Variants in AGTPBP1 observed in about 807,000 individuals in gnomAD.
AGTPBP1 encodes the protein cytosolic carboxypeptidase 1.
Under a neutral mutation model 143.9 loss-of-function variants are expected in AGTPBP1, and 70 were observed. The ratio of observed to expected loss-of-function variants is 0.49; its 90% CI spans 0.40 to 0.59. The LOEUF (loss-of-function observed/expected upper bound fraction) is 0.59. Ranked by LOEUF, AGTPBP1 falls within the 20% of genes least tolerant of loss-of-function variation. AGTPBP1 has a pLI of 0.00. For missense variants in AGTPBP1, 1,229 were observed against 1,464.5 expected, an observed-to-expected ratio of 0.84 and a Z score of 2.62; for synonymous variants, 463 against 500.2, an observed-to-expected ratio of 0.93 and a Z score of 0.99.
Position 85,678,400 on chromosome 9 carries a change from T to G in AGTPBP1, c.226-2A>C. On this transcript the variant is annotated splice_acceptor_variant, in intron 4 of 25. Transcript: ENST00000357081. LOFTEE classifies it high-confidence loss of function. ...TGTAGTTTGAAGATCTTTTGTGTTC[T>G]GAAATAAATAGTTTGTTTTATTAAA... 1 of 1,564,182 alleles carries G rather than the reference T, an allele frequency of 6.4e-7. No individual in the cohort carries two copies. Among genetic ancestry groups the G allele is most frequent in the Non-Finnish European group, 8.7e-7 (1 of 1,145,948 alleles).
At chr9:85,692,566 A>G in intron 3 of AGTPBP1, 123 bp downstream of exon 3, 1 of 1,240,462 alleles carries the variant, frequency 8.1e-7, no homozygotes, top group South Asian at 1.5e-5. Context: ...GAGCCACCAC[A>G]CCCGGCCTGA....
chr9:85,657,696 G>C, intron 9 of AGTPBP1, 53 bp from the exon 10 acceptor site: 1 of 1,327,782 alleles, frequency 7.5e-7, no homozygotes, highest in South Asian at 1.4e-5. Context: ...GAGAGTGAGT[G>C]GTAGAATAAT....
At chr9:85,638,997 G>A (rs1436219630) in intron 13 of AGTPBP1, among the ~76,000 whole-genome samples, 4 of 151,924 alleles carry the variant, frequency 2.6e-5, no homozygotes, top group African/African-American at 4.8e-5. Context: ...TGTGACTAAC[G>A]AATATAGAAT....
At chr9:85,556,611 T>G (rs1587617498) in intron 25 of AGTPBP1, among the ~76,000 whole-genome samples, 1 of 152,092 alleles carries the variant, frequency 6.6e-6, no homozygotes, top group African/African-American at 2.4e-5. Context: ...AAGAGAAAAC[T>G]GGGACTAGAA....
the AGTPBP1 span, among the ~76,000 whole-genome samples, chr9:85,762,150 G>C: frequency 5.9e-5 from 9 of 152,060 alleles, no homozygotes; most frequent in Non-Finnish European, 2.9e-5. Flanking sequence ...TGGAGAAATA[G>C]GAACACTTTT....
the AGTPBP1 span, among the ~76,000 whole-genome samples, chr9:85,787,682 T>C: frequency 3.9e-5 from 6 of 152,340 alleles, no homozygotes; most frequent in Middle Eastern, 3.4e-3. Flanking sequence ...GAAACATCCA[T>C]TGTAATGACC....
At chr9:85,717,366 G>A (rs532786097) in intron 1 of AGTPBP1, among the ~76,000 whole-genome samples, 49 of 152,240 alleles carry the variant, frequency 3.2e-4, no homozygotes, top group Middle Eastern at 3.4e-3. Context: ...ACTAGGTATG[G>A]TGGCATACAC....
intron 1 of AGTPBP1, among the ~76,000 whole-genome samples, chr9:85,715,799 T>C (rs925903759): frequency 6.6e-6 from 1 of 152,210 alleles, no homozygotes; most frequent in East Asian, 1.9e-4. Flanking sequence ...GCAGAAGTGT[T>C]GCATTTCACC....
intron 7 of AGTPBP1, among the ~76,000 whole-genome samples, chr9:85,671,409 C>T (rs1181707100): frequency 1.3e-5 from 2 of 151,478 alleles, no homozygotes; most frequent in African/African-American, 4.9e-5. Context: ...CATTTGTTTC[C>T]TTATGTTCTT....
At chr9:85,591,655 T>A (rs1828975776) in intron 19 of AGTPBP1, among the ~76,000 whole-genome samples, 1 of 152,190 alleles carries the variant, frequency 6.6e-6, no homozygotes, top group African/African-American at 2.4e-5. Flanking sequence ...ATGAACATTG[T>A]ACCTTTATGG....
At chr9:85,683,881 G>A (rs1046824064) in intron 3 of AGTPBP1, among the ~76,000 whole-genome samples, 4 of 152,004 alleles carry the variant, frequency 2.6e-5, no homozygotes. Flanking sequence ...AGGTAGCACT[G>A]TTTTCCCACA....
intron 1 of AGTPBP1, among the ~76,000 whole-genome samples, chr9:85,718,874 G>C (rs989791006): frequency 2.6e-5 from 4 of 152,126 alleles, no homozygotes; most frequent in Admixed American, 6.6e-5. Context: ...TCCAGTTTCA[G>C]CTTTCTACAT....
chr9:85,742,111 C>A (rs1824367004), upstream of AGTPBP1: 5 of 990,654 alleles, frequency 5.0e-6, no homozygotes, highest in African/African-American at 6.8e-5. Flanking sequence ...CTTGTTACCT[C>A]CGTGCGCGCT....
In AGTPBP1 at chr9:85,585,544, A is replaced by G; in HGVS notation, c.3084T>C (p.Tyr1028=). 2 of 1,609,992 alleles carry G rather than the reference A, an allele frequency of 1.2e-6. No individual in the cohort carries two copies. The highest frequency in any genetic ancestry group is 1.7e-5 in the Admixed American group (1 of 59,614). Residue 1028 remains tyrosine (Y), a synonymous_variant, in exon 23 of 26, where the codon TAT becomes TAC. Coordinates refer to ENST00000357081, the MANE Select transcript of AGTPBP1 (RefSeq NM_001330701.2). ...ACACTGTCTCTTTGATGCTGCAACC[A>G]TACATAAATACATTCTTCTTTCGGG... ...GHSRKKNVFM[Y]GCSIKETVWH...
chr9:85,624,195 A>G (rs1488643366), intron 14 of AGTPBP1, among the ~76,000 whole-genome samples: 1 of 152,158 alleles, frequency 6.6e-6, no homozygotes, highest in East Asian at 1.9e-4. Flanking sequence ...GAGGTTCCAT[A>G]TTATCTGTAT....
At chr9:85,591,651 A>G (rs2133226074) in intron 19 of AGTPBP1, among the ~76,000 whole-genome samples, 1 of 152,308 alleles carries the variant, frequency 6.6e-6, no homozygotes, top group South Asian at 2.1e-4. Context: ...ATATATGAAC[A>G]TTGTACCTTT....
chr9:85,799,407 T>C, the AGTPBP1 span, among the ~76,000 whole-genome samples: 274 of 152,312 alleles, frequency 1.8e-3, no homozygotes, highest in Non-Finnish European at 2.7e-3. Flanking sequence ...AATTGCGACA[T>C]TGTCCTCCAC....
chr9:85,651,230 C>G (rs1833144537), intron 11 of AGTPBP1, among the ~76,000 whole-genome samples: 1 of 152,090 alleles, frequency 6.6e-6, no homozygotes, highest in Non-Finnish European at 1.5e-5. Context: ...AATTTTATAT[C>G]AATTTTCAAA....
chr9:85,705,769 C>A (rs983925915), intron 2 of AGTPBP1, among the ~76,000 whole-genome samples: 2 of 152,104 alleles, frequency 1.3e-5, no homozygotes, highest in Non-Finnish European at 2.9e-5. Context: ...CGGCTCACTG[C>A]AAGCTCCACC....
Sources: allele counts gnomAD v4.1 joint callset (sites outside exome capture counted in the v4.1 genomes callset), GRCh38; gene constraint gnomAD v4.1.1; transcripts MANE v1.5; gene names NCBI Gene and HGNC (gene_info 2026-07-23, HGNC 2026-07-21).